RALYL: variants seen among roughly 807,000 people sequenced by gnomAD.
RALYL encodes RNA-binding Raly-like protein.
A neutral mutation model predicts 35.1 loss-of-function variants in RALYL; 29 were observed. The ratio of observed to expected loss-of-function variants is 0.83; its 90% confidence interval spans 0.61 to 1.13. The LOEUF is 1.13. Among genes scored for constraint, RALYL ranks in the 50% most tolerant of loss-of-function variants. The pLI, the probability that RALYL is intolerant of heterozygous loss-of-function variation, is 0.00. For missense variants in RALYL, 359 were observed against 360.4 expected (o/e 1.00, Z 0.03); for synonymous variants, 120 against 127.6 (o/e 0.94, Z 0.40).
chr8:84,691,663 A>G (rs1011188634), intron 2 of RALYL, among the ~76,000 whole-genome samples: 13 of 151,916 alleles, frequency 8.6e-5, no homozygotes, highest in African/African-American at 3.1e-4. Context: ...GGTGAGGCCT[A>G]TATCAGATGG....
chr8:84,492,553 G>A (rs1394049734), intron 1 of RALYL, among the ~76,000 whole-genome samples: 1 of 151,918 alleles, frequency 6.6e-6, no homozygotes, highest in Non-Finnish European at 1.5e-5. Flanking sequence ...TATGTGTGTA[G>A]TGCACTCATC....
At position 84,836,629 on chromosome 8, in the gene RALYL, G is replaced by C. The variant is rs75233894; in HGVS notation, c.366-13351G>C. On this transcript the variant is annotated intron_variant, in intron 4 of 8. Coordinates refer to ENST00000521268, the MANE Select transcript of RALYL (RefSeq NM_173848.7). The stretch of plus-strand genomic sequence containing the variant: ...TGTATTCCCTAAAGTGAAATGAACA[G>C]ATTTTTGTTCACAATATTAGATTGG... Among the ~76,000 whole-genome samples the C allele has an allele frequency of 9.2e-5, 14 of 152,286 alleles. 1 individual carries two copies. The East Asian group carries it at 2.7e-3, about 29-fold the overall frequency.
chr8:84,883,207 G>A (rs1842444269), intron 7 of RALYL, among the ~76,000 whole-genome samples: 1 of 151,960 alleles, frequency 6.6e-6, no homozygotes. Flanking sequence ...ATTGGATGAT[G>A]AGAATAATAT....
At chr8:84,696,651 G>C (rs1167647327) in intron 2 of RALYL, among the ~76,000 whole-genome samples, 1 of 151,350 alleles carries the variant, frequency 6.6e-6, no homozygotes. Flanking sequence ...CCAAACTAAA[G>C]AAGTTTTGAA....
intron 2 of RALYL, among the ~76,000 whole-genome samples, chr8:84,567,622 G>T (rs1458180482): frequency 1.3e-5 from 2 of 150,302 alleles, no homozygotes; most frequent in African/African-American, 4.9e-5. Context: ...ACTTAGGTTG[G>T]TTCCATGACT....
chr8:84,315,141 T>C (rs1168496128), intron 1 of RALYL, among the ~76,000 whole-genome samples: 1 of 152,184 alleles, frequency 6.6e-6, no homozygotes, highest in Non-Finnish European at 1.5e-5. Flanking sequence ...ATAAACCAAA[T>C]GTGCTTCAAT....
intron 1 of RALYL, among the ~76,000 whole-genome samples, chr8:84,299,435 T>C (rs1298775928): frequency 6.6e-6 from 1 of 151,970 alleles, no homozygotes; most frequent in African/African-American, 2.4e-5. Flanking sequence ...TTTTATTTTT[T>C]TGTTGTGTCT....
intron 1 of RALYL, among the ~76,000 whole-genome samples, chr8:84,477,159 T>C (rs10107845): frequency 0.078 from 11,920 of 152,108 alleles, 629 homozygotes; most frequent in African/African-American, 0.14. Flanking sequence ...AAATTTCAAG[T>C]CTTTATTCTC....
chr8:84,688,876 C>T (rs911563729), intron 2 of RALYL, among the ~76,000 whole-genome samples: 1 of 151,754 alleles, frequency 6.6e-6, no homozygotes, highest in South Asian at 2.1e-4. Context: ...TAGCGAACAG[C>T]AAATAATCTG....
intron 1 of RALYL, among the ~76,000 whole-genome samples, chr8:84,447,277 T>A (rs923566029): frequency 1.3e-5 from 2 of 152,120 alleles, no homozygotes; most frequent in African/African-American, 4.8e-5. Context: ...AGCTGTCACT[T>A]TCTTCACCTA....
chr8:84,606,225 A>G (rs1432214494), intron 2 of RALYL, among the ~76,000 whole-genome samples: 1 of 152,134 alleles, frequency 6.6e-6, no homozygotes, highest in Non-Finnish European at 1.5e-5. Flanking sequence ...AATCTGTTCC[A>G]CATTTGACAA....
At chr8:84,412,661 C>T (rs2044219081) in intron 1 of RALYL, among the ~76,000 whole-genome samples, 1 of 151,932 alleles carries the variant, frequency 6.6e-6, no homozygotes, top group Non-Finnish European at 1.5e-5. Flanking sequence ...AATGATAAAA[C>T]TAATCTGCAA....
intron 4 of RALYL, among the ~76,000 whole-genome samples, chr8:84,816,733 T>C (rs778459517): frequency 7.2e-5 from 11 of 152,104 alleles, no homozygotes; most frequent in African/African-American, 2.7e-4. Context: ...AATAACATAA[T>C]TGTACATCTT....
chr8:84,232,307 A>T (rs986245825), intron 1 of RALYL, among the ~76,000 whole-genome samples: 1 of 152,136 alleles, frequency 6.6e-6, no homozygotes, highest in East Asian at 1.9e-4. Flanking sequence ...AAGAAAAATA[A>T]CTGTGAAAGT....
intron 1 of RALYL, among the ~76,000 whole-genome samples, chr8:84,438,847 C>T (rs2048021568): frequency 6.6e-6 from 1 of 152,086 alleles, no homozygotes; most frequent in Non-Finnish European, 1.5e-5. Flanking sequence ...GAAGTTCTTT[C>T]CCCATTGCTT....
intron 1 of RALYL, among the ~76,000 whole-genome samples, chr8:84,483,746 A>G (rs1208184876): frequency 1.3e-5 from 2 of 152,178 alleles, no homozygotes; most frequent in African/African-American, 4.8e-5. Flanking sequence ...GTTCAGAGAC[A>G]AAGCATGCTG....
At chr8:84,435,033 T>C (rs891187764) in intron 1 of RALYL, among the ~76,000 whole-genome samples, 5 of 152,280 alleles carry the variant, frequency 3.3e-5, no homozygotes, top group East Asian at 1.9e-4. Flanking sequence ...CTTCAATTGC[T>C]CCATTCGGCT....
intron 2 of RALYL, among the ~76,000 whole-genome samples, chr8:84,723,542 C>A (rs1427752959): frequency 6.6e-6 from 1 of 151,922 alleles, no homozygotes; most frequent in African/African-American, 2.4e-5. Context: ...GTTATCGAAG[C>A]TAAACTTTTG....
intron 1 of RALYL, among the ~76,000 whole-genome samples, chr8:84,231,987 C>A (rs2131440983): frequency 6.6e-6 from 1 of 152,182 alleles, no homozygotes; most frequent in South Asian, 2.1e-4. Context: ...CATTTAGGAT[C>A]ATCATGGAAA....
Sources: gnomAD v4.1 joint callset for allele counts (sites outside exome capture counted in the v4.1 genomes callset) on GRCh38, gnomAD v4.1.1 for gene constraint, MANE v1.5 for transcripts, NCBI Gene and HGNC (gene_info 2026-07-23, HGNC 2026-07-21) for gene names.